The following SNX29 variants were observed in gnomAD, a reference collection of about 807,000 sequenced individuals.
SNX29 encodes sorting nexin 29, also known as sorting nexin-29.
In SNX29, 78 loss-of-function variants were observed where a neutral mutation model predicts 102.1. That is an observed-to-expected ratio of 0.76 (90% CI 0.64 to 0.92). SNX29 has a LOEUF of 0.92. Among genes scored for constraint, SNX29 ranks in the 40% least tolerant of loss-of-function variants. The probability of loss-of-function intolerance (pLI) is 0.00; values close to 1 mark genes in which losing one functional copy is unlikely to be tolerated. For missense variants in SNX29, 1,280 were observed against 1,061.7 expected (o/e 1.21, Z -2.86); for synonymous variants, 580 against 414.5 (o/e 1.40, Z -4.85).
intron 4 of SNX29, among the ~76,000 whole-genome samples, chr16:12,042,412 T>C (rs1229206384): frequency 7.2e-5 from 11 of 152,198 alleles, no homozygotes; most frequent in African/African-American, 2.4e-4. Flanking sequence ...TAGGGCACGA[T>C]TGAACCCATC....
rs2288425 is a variant in SNX29, at chr16:12,568,698, G to T, written c.*69G>T. On this transcript the variant is annotated 3_prime_UTR_variant, in exon 21 of 21. Transcript: ENST00000566228. ...TGCGTCCACCCCAGCCACTGCCGCT[G>T]GCCCCTCACCTCAGCGTGACAACCA... 11,510 of 1,572,758 alleles carry T rather than the reference G, an allele frequency of 7.3e-3. 606 individuals carry two copies. In the East Asian group the frequency reaches 0.11, roughly 15 times the overall value.
At chr16:12,234,136 G>A (rs2077852585) in intron 14 of SNX29, among the ~76,000 whole-genome samples, 1 of 152,150 alleles carries the variant, frequency 6.6e-6, no homozygotes, top group Non-Finnish European at 1.5e-5. Context: ...CTGGGTCAAA[G>A]CGGCTGTACC....
chr16:12,018,891 G>A (rs919115070), intron 3 of SNX29, among the ~76,000 whole-genome samples: 3 of 151,262 alleles, frequency 2.0e-5, no homozygotes, highest in African/African-American at 7.3e-5. Flanking sequence ...CCCGGCCTGG[G>A]GTATATTATC....
chr16:11,989,667 A>G (rs535821347), intron 1 of SNX29, among the ~76,000 whole-genome samples: 1 of 152,368 alleles, frequency 6.6e-6, no homozygotes, highest in South Asian at 2.1e-4. Context: ...TCTAGATTCA[A>G]CAACTGTTGA....
chr16:12,545,035 G>T (rs1170228244), intron 20 of SNX29, among the ~76,000 whole-genome samples: 1 of 152,108 alleles, frequency 6.6e-6, no homozygotes, highest in African/African-American at 2.4e-5. Context: ...CAGTAGCCAG[G>T]TCTGTGATGC....
chr16:12,062,608 C>T (rs2050826424), intron 9 of SNX29, among the ~76,000 whole-genome samples: 1 of 152,106 alleles, frequency 6.6e-6, no homozygotes, highest in Admixed American at 6.6e-5. Flanking sequence ...GTTGCTGTCC[C>T]TGCCCTCAGA....
At chr16:12,189,543 C>T (rs1414890548) in intron 13 of SNX29, among the ~76,000 whole-genome samples, 1 of 152,110 alleles carries the variant, frequency 6.6e-6, no homozygotes, top group African/African-American at 2.4e-5. Context: ...TGGTGCATGG[C>T]TTCAATTTGT....
At chr16:12,561,479 G>T (rs1156813932) in intron 20 of SNX29, among the ~76,000 whole-genome samples, 2 of 152,092 alleles carry the variant, frequency 1.3e-5, no homozygotes, top group Admixed American at 6.5e-5. Flanking sequence ...GTGGAGTATT[G>T]ACCGGCTCGC....
intron 14 of SNX29, among the ~76,000 whole-genome samples, chr16:12,222,690 T>C (rs910019181): frequency 1.3e-4 from 20 of 152,182 alleles, no homozygotes; most frequent in Admixed American, 6.5e-5. Context: ...TGCCTCAGCC[T>C]CTTGGGTAGC....
At chr16:11,976,851 G>A in intron 1 of SNX29, 38 bp downstream of exon 1, 1 of 1,336,358 alleles carries the variant, frequency 7.5e-7, no homozygotes, top group Non-Finnish European at 9.6e-7. Context: ...TGCCCCGGCC[G>A]CCCCGGCTCC....
intron 16 of SNX29, among the ~76,000 whole-genome samples, chr16:12,364,106 C>T (rs1388634859): frequency 6.6e-6 from 1 of 152,052 alleles, no homozygotes; most frequent in East Asian, 1.9e-4. Flanking sequence ...AATCCTCCTG[C>T]CTCAGTCTCT....
chr16:12,088,930 G>A (rs974634760), intron 11 of SNX29, among the ~76,000 whole-genome samples: 1 of 152,072 alleles, frequency 6.6e-6, no homozygotes, highest in Non-Finnish European at 1.5e-5. Context: ...TCTACTGACA[G>A]TACAAAAATT....
At chr16:12,448,178 C>T (rs1368444783) in intron 18 of SNX29, among the ~76,000 whole-genome samples, 1 of 152,198 alleles carries the variant, frequency 6.6e-6, no homozygotes, top group East Asian at 1.9e-4. Flanking sequence ...GGACACATAG[C>T]TTGTAAGTGA....
At chr16:12,560,618 C>T (rs1254469161) in intron 20 of SNX29, 5 of 153,266 alleles carry the variant, frequency 3.3e-5, no homozygotes, top group African/African-American at 4.8e-5. Flanking sequence ...CAACAGCTGC[C>T]TTGTCACATC....
intron 15 of SNX29, among the ~76,000 whole-genome samples, chr16:12,297,824 C>T (rs1354011797): frequency 6.6e-6 from 1 of 152,152 alleles, no homozygotes; most frequent in Non-Finnish European, 1.5e-5. Context: ...ACTGTCGAAA[C>T]CTTCCCAGCT....
In SNX29 at chr16:12,571,752, C is replaced by T. The variant is rs2079192245; in HGVS notation, c.*3123C>T. The T allele has an allele frequency of 5.9e-6, 6 of 1,012,940 alleles. No individual in the cohort carries two copies. Among genetic ancestry groups the T allele is most frequent in the Non-Finnish European group, 7.2e-6 (6 of 832,588 alleles). The allele number at this position is 1,012,940 out of a possible 1,614,324, so 62.7% of individuals were successfully genotyped here. ...CTGCTAGAAACCTAGCCCAACCATC[C>T]ACTCCTGATCTGAGACAGAACCTTC... On this transcript the variant is annotated 3_prime_UTR_variant, in exon 21 of 21. Transcript: ENST00000566228.
intron 1 of SNX29, among the ~76,000 whole-genome samples, chr16:11,981,626 G>A (rs544563872): frequency 1.3e-5 from 2 of 152,236 alleles, no homozygotes; most frequent in African/African-American, 4.8e-5. Flanking sequence ...AGAGTCTGCT[G>A]TATTTTTGAG....
chr16:12,448,668 C>T (rs1335058624), intron 18 of SNX29, among the ~76,000 whole-genome samples: 1 of 152,136 alleles, frequency 6.6e-6, no homozygotes, highest in African/African-American at 2.4e-5. Flanking sequence ...AAAAGCCTGA[C>T]TTTATCGCAT....
At chr16:12,415,745 T>C (rs144062042) in intron 18 of SNX29, among the ~76,000 whole-genome samples, 184 of 152,286 alleles carry the variant, frequency 1.2e-3, no homozygotes, top group African/African-American at 3.9e-3. Context: ...CGGGTCTCCA[T>C]GGGGAACAGT....
Sources: gnomAD v4.1 joint callset for allele counts (sites outside exome capture counted in the v4.1 genomes callset) on GRCh38, gnomAD v4.1.1 for gene constraint, MANE v1.5 for transcripts, NCBI Gene and HGNC (gene_info 2026-07-23, HGNC 2026-07-21) for gene names.